GALNT13: variants seen among roughly 807,000 people sequenced by gnomAD.
GALNT13 encodes the protein polypeptide N-acetylgalactosaminyltransferase 13, also known as UDP-GalNAc:polypeptide N-acetylgalactosaminyltransferase 13.
In GALNT13, 28 loss-of-function variants were observed where a neutral mutation model predicts 64.2. That is an observed-to-expected ratio of 0.44 (90% CI 0.32 to 0.60). GALNT13 has a LOEUF of 0.60. Among genes scored for constraint, GALNT13 ranks in the 20% least tolerant of loss-of-function variants. The pLI, the probability that GALNT13 is intolerant of heterozygous loss-of-function variation, is 0.05. For missense variants in GALNT13, 577 were observed against 669.8 expected (o/e 0.86, Z 1.53); for synonymous variants, 214 against 224.6 (o/e 0.95, Z 0.42).
chr2:154,226,696 T>G (rs1688636097), intron 4 of GALNT13, among the ~76,000 whole-genome samples: 1 of 152,088 alleles, frequency 6.6e-6, no homozygotes, highest in Non-Finnish European at 1.5e-5. Flanking sequence ...TTAACTTATT[T>G]CACACACAAA....
the GALNT13 span, among the ~76,000 whole-genome samples, chr2:153,218,576 C>G: frequency 6.6e-6 from 1 of 152,336 alleles, no homozygotes; most frequent in Non-Finnish European, 1.5e-5. Context: ...TCATGTACCC[C>G]TCTTCCAGGC....
rs1694112555 is a variant in GALNT13 at position 154,312,683 on chromosome 2, A to G, written c.1156+11094A>G. On this transcript the variant is annotated intron_variant, in intron 9 of 12. Coordinates refer to ENST00000392825, the MANE Select transcript of GALNT13 (RefSeq NM_052917.4). ...ATTGTTAAAACAATCTCCCCCAAGT[A>G]TAGCACATTTTATGTGCCCCAGAAA... is the stretch of plus-strand genomic sequence containing the variant. 2.0e-5 allele frequency among the ~76,000 whole-genome samples: 3 copies of G among 152,186 alleles called. No homozygotes were observed. In the South Asian group the frequency reaches 6.2e-4, roughly 31 times the overall value.
At chr2:153,684,211 G>A in the GALNT13 span, among the ~76,000 whole-genome samples, 1 of 151,600 alleles carries the variant, frequency 6.6e-6, no homozygotes. Context: ...TAGTAGAAGA[G>A]TGAAATTTGT....
chr2:154,287,251 C>A, intron 8 of GALNT13: 1 of 916,078 alleles, frequency 1.1e-6, no homozygotes, highest in Non-Finnish European at 1.8e-6. Flanking sequence ...TCATCTTTGC[C>A]GACGGCAACT....
the GALNT13 span, among the ~76,000 whole-genome samples, chr2:153,229,619 A>G: frequency 0.013 from 2,005 of 152,296 alleles, 55 homozygotes; most frequent in African/African-American, 0.046. Flanking sequence ...ACAAGTATGA[A>G]TAGAATTTCT....
At chr2:153,923,870 T>C (rs935053424) in intron 2 of GALNT13, among the ~76,000 whole-genome samples, 5 of 152,076 alleles carry the variant, frequency 3.3e-5, no homozygotes, top group Non-Finnish European at 5.9e-5. Flanking sequence ...GGACATGAAC[T>C]CATCATTTTT....
the GALNT13 span, among the ~76,000 whole-genome samples, chr2:153,497,291 T>C: frequency 6.6e-6 from 1 of 152,084 alleles, no homozygotes; most frequent in Non-Finnish European, 1.5e-5. Flanking sequence ...CTCAAGTATA[T>C]AAGTTTTTTC....
chr2:153,747,961 A>T, the GALNT13 span, among the ~76,000 whole-genome samples: 1 of 152,180 alleles, frequency 6.6e-6, no homozygotes, highest in African/African-American at 2.4e-5. Flanking sequence ...TCATGTAAAT[A>T]GTGCTGCAAT....
the GALNT13 span, among the ~76,000 whole-genome samples, chr2:153,863,893 T>C: frequency 6.6e-6 from 1 of 152,192 alleles, no homozygotes; most frequent in East Asian, 1.9e-4. Flanking sequence ...AGATTGTGTA[T>C]GTGTAATTGC....
At chr2:153,670,223 T>C in the GALNT13 span, among the ~76,000 whole-genome samples, 8 of 152,138 alleles carry the variant, frequency 5.3e-5, no homozygotes, top group Non-Finnish European at 2.9e-5. Flanking sequence ...GCTCCGATAA[T>C]GGACAGAGTG....
chr2:153,673,425 A>G, the GALNT13 span, among the ~76,000 whole-genome samples: 2 of 152,204 alleles, frequency 1.3e-5, no homozygotes, highest in African/African-American at 4.8e-5. Context: ...AATAAACGTA[A>G]TCCATCACAT....
At chr2:154,397,480 T>C (rs1699108579) in intron 10 of GALNT13, among the ~76,000 whole-genome samples, 1 of 152,152 alleles carries the variant, frequency 6.6e-6, no homozygotes, top group Non-Finnish European at 1.5e-5. Flanking sequence ...AGGAAATAAT[T>C]ATCAAGTAAA....
the GALNT13 span, chr2:153,421,636 C>T: frequency 7.6e-6 from 2 of 263,168 alleles, no homozygotes; most frequent in Non-Finnish European, 1.6e-5. Context: ...AATGATCTTG[C>T]CAATGTCGTG....
At chr2:154,023,179 G>A (rs1361734485) in intron 3 of GALNT13, among the ~76,000 whole-genome samples, 1 of 152,202 alleles carries the variant, frequency 6.6e-6, no homozygotes, top group Non-Finnish European at 1.5e-5. Context: ...TTGATTTGGG[G>A]TGGAGAGTTC....
chr2:153,415,355 C>A, the GALNT13 span, among the ~76,000 whole-genome samples: 69 of 152,202 alleles, frequency 4.5e-4, no homozygotes, highest in African/African-American at 1.5e-3. Flanking sequence ...GAACCACGGT[C>A]ACATAGGAGA....
chr2:153,406,942 CAAT>C, the GALNT13 span, among the ~76,000 whole-genome samples: 1 of 151,958 alleles, frequency 6.6e-6, no homozygotes, highest in African/African-American at 2.4e-5. Context: ...AAGTCTAAAT[CAAT>C]AATTCAGATA....
the GALNT13 span, among the ~76,000 whole-genome samples, chr2:153,172,403 A>G: frequency 1.3e-5 from 2 of 152,246 alleles, no homozygotes; most frequent in African/African-American, 4.8e-5. Context: ...CAGAAAACAT[A>G]GTGATTGCAG....
At chr2:153,636,136 C>A in the GALNT13 span, among the ~76,000 whole-genome samples, 11 of 151,976 alleles carry the variant, frequency 7.2e-5, no homozygotes, top group Non-Finnish European at 1.3e-4. Flanking sequence ...CTGTCTAATT[C>A]CCCCCTTCAC....
chr2:154,384,131 TGGAA>T (rs1423469400), intron 9 of GALNT13, among the ~76,000 whole-genome samples: 11 of 151,918 alleles, frequency 7.2e-5, no homozygotes, highest in Non-Finnish European at 1.5e-5. Context: ...GAAAAGTACA[TGGAA>T]GGAATTATGT....
Sources: gnomAD v4.1 joint callset for allele counts (sites outside exome capture counted in the v4.1 genomes callset) on GRCh38, gnomAD v4.1.1 for gene constraint, MANE v1.5 for transcripts, NCBI Gene and HGNC (gene_info 2026-07-23, HGNC 2026-07-21) for gene names.